The following POU6F2 variants were observed in gnomAD, a reference collection of about 807,000 sequenced individuals.
POU6F2 encodes the protein POU class 6 homeobox 2.
A neutral mutation model predicts 71.3 loss-of-function variants in POU6F2; 31 were observed. The observed-to-expected ratio is 0.43, with a 90% CI of 0.33 to 0.59. POU6F2 has a LOEUF of 0.59. Ranked by LOEUF, POU6F2 falls within the 20% of genes least tolerant of loss-of-function variation. The pLI is 0.04. For synonymous variants in POU6F2, 347 were observed against 355.7 expected (o/e 0.98, Z 0.27); for missense variants, 783 against 856.8 (o/e 0.91, Z 1.07).
chr7:39,214,002 C>A (rs1794193455), intron 4 of POU6F2, among the ~76,000 whole-genome samples: 2 of 152,196 alleles, frequency 1.3e-5, no homozygotes, highest in Admixed American at 1.3e-4. Flanking sequence ...TGCTGGAGAT[C>A]TAATGGGCTG....
intron 4 of POU6F2, among the ~76,000 whole-genome samples, chr7:39,331,002 A>C (rs190985699): frequency 1.3e-5 from 2 of 152,284 alleles, no homozygotes; most frequent in Non-Finnish European, 2.9e-5. Context: ...TCTTTTTTAG[A>C]TGCCACATAT....
intron 4 of POU6F2, among the ~76,000 whole-genome samples, chr7:39,319,280 C>T (rs1785336874): frequency 1.3e-5 from 2 of 152,238 alleles, no homozygotes; most frequent in Admixed American, 6.5e-5. Context: ...AGCTCCTCCT[C>T]CTCTATCTTT....
intron 4 of POU6F2, among the ~76,000 whole-genome samples, chr7:39,278,341 A>T (rs1784497753): frequency 6.6e-6 from 1 of 152,148 alleles, no homozygotes; most frequent in Non-Finnish European, 1.5e-5. Context: ...GAGCCTGTTT[A>T]TGGTCACCTT....
In POU6F2 at chr7:39,051,535, T is replaced by G. The variant is rs189325672; in HGVS notation, c.106-34325T>G. Among the ~76,000 whole-genome samples, 5 of 152,228 alleles carry G rather than the reference T, an allele frequency of 3.3e-5. No homozygotes were observed. In the East Asian group the frequency reaches 7.7e-4, roughly 24 times the overall value. ...CCCTACTTAAGCTTTTCACATATAC[T>G]CTACAGAAACATTAATCTTGAGTAT... On this transcript the variant is annotated intron_variant, in intron 1 of 9. Coordinates refer to ENST00000518318, the MANE Select transcript of POU6F2 (RefSeq NM_001370959.1).
chr7:39,397,651 C>A (rs1787201946), intron 5 of POU6F2, among the ~76,000 whole-genome samples: 1 of 149,170 alleles, frequency 6.7e-6, no homozygotes, highest in Non-Finnish European at 1.5e-5. Flanking sequence ...CGCCACCACA[C>A]CCAGCTAAAT....
At chr7:39,323,882 G>A (rs1324420075) in intron 4 of POU6F2, among the ~76,000 whole-genome samples, 4 of 152,016 alleles carry the variant, frequency 2.6e-5, no homozygotes, top group Non-Finnish European at 5.9e-5. Context: ...GCTGAGGCAG[G>A]TGATCACCTG....
At chr7:39,432,002 C>G (rs903941121) in intron 6 of POU6F2, among the ~76,000 whole-genome samples, 4 of 152,216 alleles carry the variant, frequency 2.6e-5, no homozygotes, top group Non-Finnish European at 4.4e-5. Context: ...CACGTCGCTT[C>G]TCAGGAGATG....
intron 6 of POU6F2, among the ~76,000 whole-genome samples, chr7:39,418,133 A>G (rs1310549134): frequency 6.6e-6 from 1 of 152,182 alleles, no homozygotes; most frequent in African/African-American, 2.4e-5. Context: ...TGTCTAATAG[A>G]GATTGTTTTT....
chr7:39,447,007 T>C (rs925884817), intron 7 of POU6F2, among the ~76,000 whole-genome samples: 1 of 152,044 alleles, frequency 6.6e-6, no homozygotes, highest in Non-Finnish European at 1.5e-5. Context: ...AAGAGTAAGT[T>C]TGGGGGTAGT....
chr7:39,143,046 A>G lies in POU6F2; in HGVS notation c.277+57015A>G, dbSNP rs141644560. 2.9e-3 allele frequency among the ~76,000 whole-genome samples: 435 copies of G among 152,326 alleles called. 1 individual carries two copies. Among genetic ancestry groups the G allele is most frequent in the African/African-American group, 9.9e-3 (412 of 41,578 alleles). On this transcript the variant is annotated intron_variant, in intron 2 of 9. Transcript: ENST00000518318. The stretch of plus-strand genomic sequence containing the variant: ...AAAACTAGTATAAACCCCTGCCTTC[A>G]TTTGCATTCTAGTGGATTGTTTTTT...
In POU6F2 at chr7:39,467,409, A is replaced by G. The variant is rs1455107625; in HGVS notation, c.*2723A>G. The G allele has an allele frequency of 6.6e-6, 1 of 152,096 alleles. No individual in the cohort carries two copies. Among genetic ancestry groups the G allele is most frequent in the Non-Finnish European group, 1.5e-5 (1 of 68,006 alleles). 9.4% of individuals were successfully genotyped at this position (152,096 alleles called of 1,614,324 possible). The stretch of plus-strand genomic sequence containing the variant: ...TACTTGTAAACAACTTCATATGCCA[A>G]TGGCGTTTAAGTGTCTTTTATGTTT... On this transcript the variant is annotated 3_prime_UTR_variant, in exon 10 of 10. Transcript: ENST00000518318.
chr7:39,402,192 A>G (rs1787319677), intron 5 of POU6F2, among the ~76,000 whole-genome samples: 1 of 152,234 alleles, frequency 6.6e-6, no homozygotes, highest in Non-Finnish European at 1.5e-5. Context: ...GATACTATGT[A>G]TGGTGACATC....
chr7:39,371,688 C>T (rs1786614205), intron 5 of POU6F2, among the ~76,000 whole-genome samples: 1 of 152,212 alleles, frequency 6.6e-6, no homozygotes, highest in Admixed American at 6.5e-5. Flanking sequence ...GCTGGACACA[C>T]TGTGGTTACC....
chr7:39,423,805 A>G (rs1787908211), intron 6 of POU6F2, among the ~76,000 whole-genome samples: 2 of 152,318 alleles, frequency 1.3e-5, no homozygotes, highest in South Asian at 4.1e-4. Context: ...ACAGAATTAC[A>G]TATAGTGCTG....
intron 5 of POU6F2, among the ~76,000 whole-genome samples, chr7:39,362,790 G>C (rs1316766185): frequency 6.6e-6 from 1 of 152,172 alleles, no homozygotes; most frequent in Non-Finnish European, 1.5e-5. Flanking sequence ...CTTTGATGTA[G>C]GTTAATCAGA....
At chr7:39,378,974 G>A (rs547225629) in intron 5 of POU6F2, among the ~76,000 whole-genome samples, 2 of 152,174 alleles carry the variant, frequency 1.3e-5, no homozygotes, top group Non-Finnish European at 2.9e-5. Context: ...GATGCTAGAG[G>A]TGGATCAAGA....
intron 2 of POU6F2, among the ~76,000 whole-genome samples, chr7:39,175,996 A>G (rs1793321483): frequency 6.6e-6 from 1 of 152,172 alleles, no homozygotes; most frequent in East Asian, 1.9e-4. Flanking sequence ...CAGCAAATCA[A>G]AGAAGCAGAC....
intron 1 of POU6F2, among the ~76,000 whole-genome samples, chr7:39,007,694 A>G (rs929681757): frequency 6.6e-6 from 1 of 151,372 alleles, no homozygotes; most frequent in Non-Finnish European, 1.5e-5. Flanking sequence ...ACCCCACCAC[A>G]GTCCCCAGAG....
chr7:39,385,868 CT>C (rs956057474), intron 5 of POU6F2, among the ~76,000 whole-genome samples: 1 of 152,070 alleles, frequency 6.6e-6, no homozygotes, highest in African/African-American at 2.4e-5. Context: ...TCACAGGGAG[CT>C]TTAAAGAACC....
Sources: allele counts gnomAD v4.1 joint callset (sites outside exome capture counted in the v4.1 genomes callset), GRCh38; gene constraint gnomAD v4.1.1; transcripts MANE v1.5; gene names NCBI Gene and HGNC (gene_info 2026-07-23, HGNC 2026-07-21).